GRID2: variants seen among roughly 807,000 people sequenced by gnomAD.
GRID2 encodes glutamate ionotropic receptor delta type subunit 2.
A neutral mutation model predicts 114.8 loss-of-function variants in GRID2; 33 were observed. That is an observed-to-expected ratio of 0.29 (90% confidence interval 0.22 to 0.38). GRID2 has a LOEUF of 0.38. Ranked by LOEUF, GRID2 falls within the 10% of genes least tolerant of loss-of-function variation. The probability of loss-of-function intolerance (pLI) is 1.00; values close to 1 mark genes in which losing one functional copy is unlikely to be tolerated. For synonymous variants in GRID2, 505 were observed against 449.9 expected, an observed-to-expected ratio of 1.12 and a Z score of -1.55; for missense variants, 1,184 against 1,257.7, an observed-to-expected ratio of 0.94 and a Z score of 0.89.
intron 2 of GRID2, among the ~76,000 whole-genome samples, chr4:92,925,005 C>A (rs1197081047): frequency 6.6e-6 from 1 of 152,028 alleles, no homozygotes; most frequent in Non-Finnish European, 1.5e-5. Flanking sequence ...GTAAGCAGCC[C>A]TCTTTAAGAG....
chr4:92,579,786 A>G (rs1489901338), intron 1 of GRID2, among the ~76,000 whole-genome samples: 1 of 151,424 alleles, frequency 6.6e-6, no homozygotes, highest in Non-Finnish European at 1.5e-5. Flanking sequence ...CCATTTTGTA[A>G]GGTTTATTTT....
chr4:92,560,724 G>A (rs565013114), intron 1 of GRID2, among the ~76,000 whole-genome samples: 4 of 150,506 alleles, frequency 2.7e-5, no homozygotes, highest in Non-Finnish European at 5.9e-5. Context: ...TTTTTTTCTT[G>A]AGACAGAGTG....
intron 10 of GRID2, among the ~76,000 whole-genome samples, chr4:93,434,924 C>G (rs1005602935): frequency 1.3e-5 from 2 of 152,060 alleles, no homozygotes; most frequent in Non-Finnish European, 2.9e-5. Context: ...ATTTCTGTCT[C>G]TCCTATCTGC....
intron 1 of GRID2, among the ~76,000 whole-genome samples, chr4:92,444,390 C>T (rs560934928): frequency 8.3e-4 from 122 of 147,208 alleles, no homozygotes; most frequent in Middle Eastern, 3.5e-3. Context: ...TGTTCTCTGG[C>T]GGGCAGGAGT....
chr4:93,808,237 A>T (rs1225738269), exon 2 of GRID2: 12 of 152,214 alleles, frequency 7.9e-5, no homozygotes, highest in Admixed American at 7.9e-4. Context: ...CAGGCTATAA[A>T]GTCAAAAGAC....
intron 1 of GRID2, among the ~76,000 whole-genome samples, chr4:93,803,932 A>C (rs1013869713): frequency 3.0e-4 from 46 of 152,160 alleles, no homozygotes; most frequent in African/African-American, 1.1e-3. Flanking sequence ...ATCACACTGC[A>C]TCCAATTGCC....
intron 2 of GRID2, among the ~76,000 whole-genome samples, chr4:93,068,060 A>G (rs915029342): frequency 6.6e-6 from 1 of 152,094 alleles, no homozygotes; most frequent in African/African-American, 2.4e-5. Context: ...TATCCTTAAT[A>G]GTTGATTGAA....
chr4:92,523,453 C>T (rs1458726573), intron 1 of GRID2, among the ~76,000 whole-genome samples: 1 of 151,812 alleles, frequency 6.6e-6, no homozygotes, highest in African/African-American at 2.4e-5. Flanking sequence ...CAGATGTGAG[C>T]ATGTTTGAGA....
intron 7 of GRID2, among the ~76,000 whole-genome samples, chr4:93,226,665 T>C (rs1745523594): frequency 6.6e-6 from 1 of 152,112 alleles, no homozygotes; most frequent in African/African-American, 2.4e-5. Flanking sequence ...CCCACTTCCA[T>C]AGCTCCAGTA....
chr4:93,216,397 C>T (rs991159697), intron 5 of GRID2, among the ~76,000 whole-genome samples: 7 of 151,950 alleles, frequency 4.6e-5, no homozygotes, highest in African/African-American at 1.7e-4. Context: ...ATAATAGCAA[C>T]TTACTTTGTG....
intron 2 of GRID2, among the ~76,000 whole-genome samples, chr4:92,938,369 T>G (rs1016711625): frequency 2.0e-5 from 3 of 146,708 alleles, no homozygotes; most frequent in Admixed American, 7.4e-5. Context: ...AAAAAACTAT[T>G]ATAAACCATC....
At position 93,459,759 on chromosome 4, in the gene GRID2, A is replaced by T. The variant is rs537165960; in HGVS notation, c.1858+3785A>T. On this transcript the variant is annotated intron_variant, in intron 11 of 15. Coordinates refer to ENST00000282020, the MANE Select transcript of GRID2 (RefSeq NM_001510.4). The stretch of plus-strand genomic sequence containing the variant: ...GCAACTCTCTGACTATACCAGAGGC[A>T]CCATAAATTTGAACATGCCAAAAAT... Among the ~76,000 whole-genome samples, 6 of 152,292 alleles carry T rather than the reference A, an allele frequency of 3.9e-5. No individual in the cohort carries two copies. In the South Asian group the frequency reaches 1.2e-3, roughly 32 times the overall value.
Position 93,110,737 on chromosome 4 carries a change from G to A in GRID2, c.530-11G>A, listed in dbSNP as rs1026149754. 1.9e-6 allele frequency: 3 copies of A among 1,575,502 alleles called. No homozygotes were observed. The African/African-American group carries it at 4.0e-5, about 21-fold the overall frequency. On this transcript the variant is annotated splice_polypyrimidine_tract_variant and intron_variant, in intron 3 of 15. Coordinates refer to ENST00000282020, the MANE Select transcript of GRID2 (RefSeq NM_001510.4). The stretch of plus-strand genomic sequence containing the variant: ...TTCACAGGTATTTTGATGGGCTTTT[G>A]ATGTTTCCAGATATCCGTGGAATAC...
At chr4:92,746,044 G>A (rs528668614) in intron 2 of GRID2, among the ~76,000 whole-genome samples, 6 of 152,108 alleles carry the variant, frequency 3.9e-5, no homozygotes, top group East Asian at 1.9e-4. Flanking sequence ...AATGCAGTAC[G>A]TCTGCATCCA....
At chr4:92,664,934 T>C (rs1307124748) in intron 2 of GRID2, among the ~76,000 whole-genome samples, 1 of 150,836 alleles carries the variant, frequency 6.6e-6, no homozygotes, top group Non-Finnish European at 1.5e-5. Flanking sequence ...CCAAAGTGAA[T>C]CTTTAGTAAA....
chr4:92,610,820 A>G (rs1729685730), intron 2 of GRID2, among the ~76,000 whole-genome samples: 1 of 151,836 alleles, frequency 6.6e-6, no homozygotes, highest in Middle Eastern at 3.4e-3. Context: ...ATAATACAAA[A>G]TCTTTTGTGT....
intron 2 of GRID2, among the ~76,000 whole-genome samples, chr4:92,668,286 A>G (rs1003273139): frequency 1.3e-5 from 2 of 151,786 alleles, no homozygotes; most frequent in Non-Finnish European, 2.9e-5. Flanking sequence ...TTTTAATGTT[A>G]TCTTCCTCAA....
rs78565661 is a variant in GRID2 at position 93,761,015 on chromosome 4, T to A, written c.2361-8195T>A. Among the ~76,000 whole-genome samples the A allele has an allele frequency of 7.1e-3, 1,074 of 152,232 alleles. 14 individuals are homozygous for A. The highest frequency in any genetic ancestry group is 0.025 in the African/African-American group (1,026 of 41,532). ...TCTCAGAATAAATGCTCAGATATAT[T>A]TTACAATATAATCAGAAAACCAAAG... On this transcript the variant is annotated intron_variant, in intron 14 of 15. Transcript: ENST00000282020.
In GRID2 at chr4:93,376,175, C is replaced by T. The variant is rs987460807; in HGVS notation, c.1246-19432C>T. 3.9e-5 allele frequency among the ~76,000 whole-genome samples: 6 copies of T among 152,130 alleles called. No individual in the cohort carries two copies. The East Asian group carries it at 7.7e-4, about 20-fold the overall frequency. On this transcript the variant is annotated intron_variant, in intron 8 of 15. Transcript: ENST00000282020. ...CATTGTGAGGTACTGGGGGTTAGGG[C>T]GTCAACACCTAAATTTGGGGAAACA... is the stretch of plus-strand genomic sequence containing the variant.
Sources: gnomAD v4.1 joint callset for allele counts (sites outside exome capture counted in the v4.1 genomes callset) on GRCh38, gnomAD v4.1.1 for gene constraint, MANE v1.5 for transcripts, NCBI Gene and HGNC (gene_info 2026-07-23, HGNC 2026-07-21) for gene names.